The following DDHD1 variants were observed in gnomAD, a reference collection of about 807,000 sequenced individuals.
DDHD1 encodes the protein DDHD domain containing 1.
DDHD1 carries 49 observed loss-of-function variants against 96.4 expected under a neutral mutation model. That is an observed-to-expected ratio of 0.51 (90% CI 0.40 to 0.64). DDHD1 has a LOEUF of 0.64. Among genes scored for constraint, DDHD1 ranks in the 30% least tolerant of loss-of-function variants. The pLI is 0.00. For missense variants in DDHD1, 1,106 were observed against 1,161.2 expected, an observed-to-expected ratio of 0.95 and a Z score of 0.69; for synonymous variants, 442 against 446.5, an observed-to-expected ratio of 0.99 and a Z score of 0.13.
At chr14:53,070,601 GAC>G (rs978400428) in intron 6 of DDHD1, among the ~76,000 whole-genome samples, 3 of 152,066 alleles carry the variant, frequency 2.0e-5, no homozygotes, top group African/African-American at 7.2e-5. Flanking sequence ...GGAGAAATGA[GAC>G]ACAACACTAT....
At chr14:53,054,164 G>A (rs1307353587) in intron 11 of DDHD1, 1 of 330,860 alleles carries the variant, frequency 3.0e-6, no homozygotes, top group Non-Finnish European at 5.5e-6. Context: ...TTACCCTAAA[G>A]AGATTTGTTT....
intron 4 of DDHD1, among the ~76,000 whole-genome samples, chr14:53,077,900 T>C (rs1885115131): frequency 6.6e-6 from 1 of 152,148 alleles, no homozygotes. Context: ...CTTTTGTGTC[T>C]GGCTTTTCAG....
Position 53,063,157 on chromosome 14 carries a change from A to G in DDHD1, c.1552T>C (p.Cys518Arg). ...TCTTCAAAGTCTGGATTCCGAGAACAGAAAAGGGAATACAATCGATTCAGC... is the reference window on the plus strand; with the variant it reads ...TCTTCAAAGTCTGGATTCCGAGAACGGAAAAGGGAATACAATCGATTCAGC... ...QELNRLYSLF[C>R]SRNPDFEEKG... The change falls in exon 7 of 13, where the codon TGT becomes CGT. Residue 518 changes from cysteine (C) to arginine (R), a missense_variant. Cys to Arg is a radical substitution (Grantham distance 180). Transcript: ENST00000673822. 6.2e-7 allele frequency: 1 copy of G among 1,614,060 alleles called. No homozygotes were observed. The highest frequency in any genetic ancestry group is 8.5e-7 in the Non-Finnish European group (1 of 1,179,984).
At chr14:53,072,726 C>A in intron 5 of DDHD1, 23 bp from the exon 6 acceptor site, 1 of 1,532,798 alleles carries the variant, frequency 6.5e-7, no homozygotes, top group Non-Finnish European at 8.9e-7. Context: ...ACAAAAAAAG[C>A]AAGTTAACTT....
chr14:53,078,991 CAT>C (rs936629197), intron 4 of DDHD1, among the ~76,000 whole-genome samples: 6 of 151,594 alleles, frequency 4.0e-5, no homozygotes, highest in African/African-American at 7.3e-5. Context: ...TCATTCTACA[CAT>C]GTGGTGGATT....
chr14:53,072,419 T>G (rs1386470379), intron 6 of DDHD1, among the ~76,000 whole-genome samples, 178 bp downstream of exon 6: 1 of 152,100 alleles, frequency 6.6e-6, no homozygotes, highest in Admixed American at 6.6e-5. Context: ...ATCTGTTTTA[T>G]TAAGGGTCAC....
rs541685941 is a variant in DDHD1 at position 53,041,051 on chromosome 14, G to C, written c.*5717C>G. 6.6e-6 allele frequency: 1 copy of C among 151,972 alleles called. No individual in the cohort carries two copies. The highest frequency in any genetic ancestry group is 2.4e-5 in the African/African-American group (1 of 41,360). 9.4% of individuals were successfully genotyped at this position (151,972 alleles called of 1,614,324 possible). ...AAGTTTGAGAGATCAAGCAGGGACCGCAGTGGGTGTGGGTACAGTCAAGGG... is the reference window on the plus strand; with the variant it reads ...AAGTTTGAGAGATCAAGCAGGGACCCCAGTGGGTGTGGGTACAGTCAAGGG... On this transcript the variant is annotated 3_prime_UTR_variant, in exon 13 of 13. Coordinates refer to ENST00000673822, the MANE Select transcript of DDHD1 (RefSeq NM_001160148.2).
chr14:53,136,447 TTG>T (rs1017849305), intron 1 of DDHD1, among the ~76,000 whole-genome samples: 1 of 152,148 alleles, frequency 6.6e-6, no homozygotes, highest in African/African-American at 2.4e-5. Context: ...GACCTAGAAT[TTG>T]TGAGGCACAA....
At chr14:53,079,775 T>A (rs1441646593) in intron 4 of DDHD1, among the ~76,000 whole-genome samples, 1 of 152,218 alleles carries the variant, frequency 6.6e-6, no homozygotes, top group Non-Finnish European at 1.5e-5. Flanking sequence ...AAAGCTGTAG[T>A]TTATCAAGCC....
intron 4 of DDHD1, among the ~76,000 whole-genome samples, chr14:53,089,362 T>A (rs1295777542): frequency 6.6e-6 from 1 of 151,988 alleles, no homozygotes; most frequent in Non-Finnish European, 1.5e-5. Context: ...GCCAAGACAA[T>A]CCTAAGCAAA....
intron 1 of DDHD1, among the ~76,000 whole-genome samples, chr14:53,121,632 G>A (rs866067160): frequency 6.6e-6 from 1 of 152,140 alleles, no homozygotes; most frequent in Non-Finnish European, 1.5e-5. Flanking sequence ...TCCTTTGCAT[G>A]GATGAAGCTG....
intron 1 of DDHD1, among the ~76,000 whole-genome samples, chr14:53,125,441 C>T (rs1403763241): frequency 2.0e-5 from 3 of 152,064 alleles, no homozygotes; most frequent in Non-Finnish European, 2.9e-5. Flanking sequence ...AGTATACAAC[C>T]GTAAAACAGT....
intron 12 of DDHD1, chr14:53,049,181 TATCA>T (rs1246311956): frequency 6.6e-6 from 1 of 152,188 alleles, no homozygotes; most frequent in Non-Finnish European, 1.5e-5. Flanking sequence ...TATGTGCCCT[TATCA>T]TTTTATCACT....
intron 1 of DDHD1, among the ~76,000 whole-genome samples, chr14:53,110,872 A>C (rs1888048135): frequency 6.6e-6 from 1 of 152,164 alleles, no homozygotes; most frequent in East Asian, 1.9e-4. Context: ...GCTACTCAGG[A>C]GGCTGAGGCA....
At chr14:53,091,554 TA>T (rs1886429951) in intron 4 of DDHD1, among the ~76,000 whole-genome samples, 1 of 152,204 alleles carries the variant, frequency 6.6e-6, no homozygotes, top group Non-Finnish European at 1.5e-5. Context: ...AAGGCTTCCT[TA>T]TCCCTCTTCT....
At chr14:53,125,942 C>T (rs1034497701) in intron 1 of DDHD1, among the ~76,000 whole-genome samples, 1 of 152,170 alleles carries the variant, frequency 6.6e-6, no homozygotes, top group African/African-American at 2.4e-5. Flanking sequence ...ACCTCGTGAT[C>T]TGCCTGCCTT....
At chr14:53,078,097 A>C (rs1275430039) in intron 4 of DDHD1, among the ~76,000 whole-genome samples, 1 of 152,122 alleles carries the variant, frequency 6.6e-6, no homozygotes, top group Non-Finnish European at 1.5e-5. Context: ...ACATTCTTTT[A>C]ACAAGTTTTT....
chr14:53,061,169 A>T lies in DDHD1; in HGVS notation c.1799T>A (p.Leu600Ter). 2 of 1,611,970 alleles carry T rather than the reference A, an allele frequency of 1.2e-6. No homozygotes were observed. The highest frequency in any genetic ancestry group is 2.7e-5 in the African/African-American group (2 of 74,918). The change falls in exon 8 of 13, where the codon TTG becomes TAG. Residue 600 changes from leucine to a stop codon, truncating the protein, a stop_gained. Transcript: ENST00000673822. LOFTEE classifies it high-confidence loss of function. Reference sequence around the variant, plus strand: ...TGTTTGTGTCATAGATGATGCTTTCAATCCGTGAAGCCGTTCTTCTATTTC... The same window carrying T: ...TGTTTGTGTCATAGATGATGCTTTCTATCCGTGAAGCCGTTCTTCTATTTC... The part of the protein sequence containing the change: ...LKEIEERLHG[L>*]KASSMTQTPA...
intron 1 of DDHD1, among the ~76,000 whole-genome samples, chr14:53,145,204 TCA>T (rs1226675704): frequency 6.6e-6 from 1 of 151,758 alleles, no homozygotes; most frequent in Non-Finnish European, 1.5e-5. Context: ...TTTAAAATCT[TCA>T]GTTTTAATAA....
Sources: allele counts gnomAD v4.1 joint callset (sites outside exome capture counted in the v4.1 genomes callset), GRCh38; gene constraint gnomAD v4.1.1; transcripts MANE v1.5; gene names NCBI Gene and HGNC (gene_info 2026-07-23, HGNC 2026-07-21).